UTRN: variants seen among roughly 807,000 people sequenced by gnomAD.
UTRN encodes the protein dystrophin-related protein 1.
A neutral mutation model predicts 463.9 loss-of-function variants in UTRN; 283 were observed. The ratio of observed to expected loss-of-function variants is 0.61; its 90% CI spans 0.55 to 0.67. The LOEUF (loss-of-function observed/expected upper bound fraction) is 0.67. UTRN is among the 30% of genes least tolerant of loss of function. The probability of loss-of-function intolerance (pLI) is 0.00; values close to 1 mark genes in which losing one functional copy is unlikely to be tolerated. For synonymous variants in UTRN, 1,442 were observed against 1,431.5 expected (o/e 1.01, Z -0.17); for missense variants, 3,922 against 4,084.3 (o/e 0.96, Z 1.08).
intron 54 of UTRN, among the ~76,000 whole-genome samples, chr6:144,732,249 T>TATAC (rs1554359995): frequency 1.2e-4 from 14 of 116,856 alleles, no homozygotes; most frequent in African/African-American, 3.7e-4. Flanking sequence ...CATATATATA[T>TATAC]ATATATATAC....
At chr6:144,700,742 T>C (rs1382758956) in intron 53 of UTRN, among the ~76,000 whole-genome samples, 1 of 150,240 alleles carries the variant, frequency 6.7e-6, no homozygotes, top group Non-Finnish European at 1.5e-5. Context: ...TAACTTTGTT[T>C]TTTTTTTTTA....
rs111970664 is a variant in UTRN, at chr6:144,795,221, A to G, written c.9078+1230A>G. Among the ~76,000 whole-genome samples the G allele has an allele frequency of 2.6e-5, 4 of 152,246 alleles. 1 individual carries two copies. Among genetic ancestry groups the G allele is most frequent in the African/African-American group, 7.2e-5 (3 of 41,532 alleles). On this transcript the variant is annotated intron_variant, in intron 63 of 74. Transcript: ENST00000367545. ...TGGACTCATCCTTTTTTATGGCTAC[A>G]TAGTATTCCATGGTGTATTTGTGCC...
intron 53 of UTRN, among the ~76,000 whole-genome samples, chr6:144,710,540 ACTTT>A (rs139342474): frequency 0.066 from 10,092 of 152,264 alleles, 580 homozygotes; most frequent in Admixed American, 0.19. Flanking sequence ...AAATGTGCGT[ACTTT>A]CTTGGGTGTT....
Position 144,614,473 on chromosome 6 carries a change from C to G in UTRN, c.7479+37185C>G, listed in dbSNP as rs1025787967. On this transcript the variant is annotated intron_variant, in intron 51 of 74. Coordinates refer to ENST00000367545, the MANE Select transcript of UTRN (RefSeq NM_007124.3). The stretch of plus-strand genomic sequence containing the variant: ...GTTAAATACATCCCTTTAGTCTCAG[C>G]TCATCTTCCTAATTAAGTACAAATT... Among the ~76,000 whole-genome samples, 6 of 152,102 alleles carry G rather than the reference C, an allele frequency of 3.9e-5. No individual in the cohort carries two copies. In the East Asian group the frequency reaches 5.8e-4, roughly 15 times the overall value.
At chr6:144,410,796 A>ATG (rs112535909) in intron 3 of UTRN, among the ~76,000 whole-genome samples, 11,711 of 141,166 alleles carry the variant, frequency 0.083, 492 homozygotes, top group East Asian at 0.11. Context: ...TGGTGTGTAT[A>ATG]TGTGTGTGTG....
At chr6:144,417,168 C>T (rs73780564) in intron 3 of UTRN, among the ~76,000 whole-genome samples, 3,226 of 152,188 alleles carry the variant, frequency 0.021, 135 homozygotes, top group African/African-American at 0.075. Flanking sequence ...TAGTATATAT[C>T]TTGTTGCTCT....
intron 54 of UTRN, among the ~76,000 whole-genome samples, chr6:144,743,700 GTCT>G (rs975699034): frequency 5.9e-5 from 9 of 152,104 alleles, no homozygotes; most frequent in East Asian, 1.9e-4. Context: ...GTGTATTATA[GTCT>G]TCTTCCTCAT....
chr6:144,384,305 G>T (rs1182377665), intron 2 of UTRN, among the ~76,000 whole-genome samples: 1 of 152,134 alleles, frequency 6.6e-6, no homozygotes, highest in Non-Finnish European at 1.5e-5. Context: ...ATTACCTCCT[G>T]AGCTCTGCCT....
At chr6:144,292,048 T>C (rs968580251) in intron 2 of UTRN, 141 bp downstream of exon 2, 3 of 820,088 alleles carry the variant, frequency 3.7e-6, no homozygotes, top group Non-Finnish European at 5.4e-6. Flanking sequence ...CAAATGACTA[T>C]AATTTTGTAA....
chr6:144,323,649 CTCTT>C (rs202139966), intron 2 of UTRN, among the ~76,000 whole-genome samples: 1,607 of 152,254 alleles, frequency 0.011, 14 homozygotes, highest in Non-Finnish European at 0.014. Context: ...TAAAATTTCT[CTCTT>C]TCTCTTCCTT....
intron 2 of UTRN, among the ~76,000 whole-genome samples, chr6:144,384,839 A>G (rs1045444180): frequency 1.3e-5 from 2 of 152,130 alleles, no homozygotes; most frequent in African/African-American, 4.8e-5. Flanking sequence ...TCCATCTTTT[A>G]GCTTTTGTGA....
rs116827913 is a variant in UTRN at position 144,685,775 on chromosome 6, G to A, written c.7652+7197G>A. On this transcript the variant is annotated intron_variant, in intron 52 of 74. Coordinates refer to ENST00000367545, the MANE Select transcript of UTRN (RefSeq NM_007124.3). ...TCTGGATATCAATTCTTTGTTGGGA[G>A]ATTCTGGATATCAATTCTTTGTTGG... Among the ~76,000 whole-genome samples, 502 of 152,222 alleles carry A rather than the reference G, an allele frequency of 3.3e-3. 3 individuals carry two copies. Among genetic ancestry groups the A allele is most frequent in the African/African-American group, 0.011 (476 of 41,560 alleles).
chr6:144,356,642 A>G (rs1778571337), intron 2 of UTRN, among the ~76,000 whole-genome samples: 1 of 152,160 alleles, frequency 6.6e-6, no homozygotes, highest in African/African-American at 2.4e-5. Context: ...GTGAAACCCC[A>G]TTTGTACTAA....
chr6:144,378,909 A>C (rs1442393610), intron 2 of UTRN, among the ~76,000 whole-genome samples: 1 of 152,204 alleles, frequency 6.6e-6, no homozygotes, highest in Non-Finnish European at 1.5e-5. Flanking sequence ...AGGAATTAGA[A>C]CCAACAAAAG....
chr6:144,516,706 C>T (rs879874014), intron 38 of UTRN, 105 bp from the exon 39 acceptor site: 27 of 890,114 alleles, frequency 3.0e-5, no homozygotes, highest in African/African-American at 1.8e-4. Context: ...CATATCTTGA[C>T]GTATACTATA....
chr6:144,808,469 A>G (rs2128749120), intron 65 of UTRN, among the ~76,000 whole-genome samples: 1 of 152,266 alleles, frequency 6.6e-6, no homozygotes, highest in African/African-American at 2.4e-5. Flanking sequence ...AAGTAACCAA[A>G]ATTTAATTCA....
rs180925727 is a variant in UTRN at position 144,662,448 on chromosome 6, C to T, written c.7480-15958C>T. Among the ~76,000 whole-genome samples the T allele has an allele frequency of 3.9e-5, 6 of 152,320 alleles. No homozygotes were observed. In the East Asian group the frequency reaches 5.8e-4, roughly 15 times the overall value. ...GAAGCTGAGTAACAGCCATTCTACA[C>T]GCAGAGGTAGAGTCCCTTTACCCTC... On this transcript the variant is annotated intron_variant, in intron 51 of 74. Coordinates refer to ENST00000367545, the MANE Select transcript of UTRN (RefSeq NM_007124.3).
chr6:144,437,884 A>G, intron 11 of UTRN, 138 bp downstream of exon 11: 1 of 806,272 alleles, frequency 1.2e-6, no homozygotes, highest in Non-Finnish European at 1.8e-6. Context: ...TTCTACGGGT[A>G]ATATTGCTGG....
intron 51 of UTRN, among the ~76,000 whole-genome samples, chr6:144,609,301 A>G (rs953301636): frequency 6.6e-6 from 1 of 152,336 alleles, no homozygotes; most frequent in South Asian, 2.1e-4. Flanking sequence ...CTATACTTAT[A>G]TCAGACAAAA....
Sources: gnomAD v4.1 joint callset for allele counts (sites outside exome capture counted in the v4.1 genomes callset) on GRCh38, gnomAD v4.1.1 for gene constraint, MANE v1.5 for transcripts, NCBI Gene and HGNC (gene_info 2026-07-23, HGNC 2026-07-21) for gene names.